The following ZEB2 variants were observed in gnomAD, a reference collection of about 807,000 sequenced individuals.
ZEB2 encodes zinc finger E-box binding homeobox 2.
A neutral mutation model predicts 99.9 loss-of-function variants in ZEB2; 6 were observed. That is an observed-to-expected ratio of 0.06 (90% confidence interval 0.03 to 0.12). The LOEUF is 0.12. Ranked by LOEUF, ZEB2 falls within the 10% of genes least tolerant of loss-of-function variation. The pLI is 1.00. For synonymous variants in ZEB2, 517 were observed against 542.5 expected, an observed-to-expected ratio of 0.95 and a Z score of 0.65; for missense variants, 969 against 1,502.8, an observed-to-expected ratio of 0.64 and a Z score of 5.87.
At chr2:144,500,554 G>A (rs1293375351) in intron 2 of ZEB2, among the ~76,000 whole-genome samples, 1 of 152,154 alleles carries the variant, frequency 6.6e-6, no homozygotes, top group Non-Finnish European at 1.5e-5. Context: ...AGATGCACAG[G>A]CTTTGCAGCA....
At chr2:144,416,679 A>T (rs1169878484) in intron 4 of ZEB2, among the ~76,000 whole-genome samples, 4 of 151,912 alleles carry the variant, frequency 2.6e-5, no homozygotes, top group African/African-American at 9.7e-5. Context: ...TTCTCTTACA[A>T]CTCGTTTGAT....
At chr2:144,512,525 A>T in intron 2 of ZEB2, 24 of 1,287,242 alleles carry the variant, frequency 1.9e-5, no homozygotes, top group Non-Finnish European at 2.4e-5. Context: ...CCTATGACAT[A>T]GCAGTTGAGC....
intron 2 of ZEB2, among the ~76,000 whole-genome samples, chr2:144,498,749 T>A (rs1704826335): frequency 1.3e-5 from 2 of 152,062 alleles, no homozygotes; most frequent in African/African-American, 2.4e-5. Context: ...CTAAAAATGA[T>A]CAGGAAGGGT....
chr2:144,399,661 G>A lies in ZEB2; in HGVS notation c.1526C>T (p.Pro509Leu), dbSNP rs1051563603. 2.4e-5 allele frequency: 38 copies of A among 1,614,124 alleles called. No individual in the cohort carries two copies. The highest frequency in any genetic ancestry group is 6.7e-5 in the African/African-American group (5 of 75,004). ...EEQGVTSPNI[P>L]PVGLPVVSHN... is the part of the protein sequence containing the mutation. ...ACTCACTACCGGAAGACCGACAGGC[G>A]GAATATTAGGAGAAGTAACTCCTTG... is the stretch of plus-strand genomic sequence containing the variant. Residue 509 changes from proline to leucine, a missense_variant, in exon 8 of 10, where the codon CCG becomes CTG. Around this residue, in one of 8 missense-constraint regions of ZEB2, gnomAD observed 227 missense variants for 278.2 expected, o/e 0.82. Transcript: ENST00000627532. The surrounding 1 kb of genome is among the most constrained non-coding windows in gnomAD (Gnocchi z 5.6).
rs1255995172 is a variant in ZEB2, at chr2:144,519,737, T to C, written c.-70+202A>G. 3.2e-5 allele frequency: 11 copies of C among 341,408 alleles called. No homozygotes were observed. In the Admixed American group the frequency reaches 4.6e-4, roughly 14 times the overall value. 21.1% of individuals were successfully genotyped at this position (341,408 alleles called of 1,614,324 possible). On this transcript the variant is annotated intron_variant, in intron 1 of 9. Transcript: ENST00000627532. The stretch of plus-strand genomic sequence containing the variant: ...GAAAAGCAAGGAGAGAGAGTGTGAG[T>C]GTAAGAGAAAGCGAAGAAGCCACTC...
At chr2:144,433,777 A>G (rs181172457) in intron 2 of ZEB2, among the ~76,000 whole-genome samples, 1 of 152,312 alleles carries the variant, frequency 6.6e-6, no homozygotes, top group African/African-American at 2.4e-5. Context: ...CATATGCAAA[A>G]CAAATAATGG....
intron 2 of ZEB2, among the ~76,000 whole-genome samples, chr2:144,431,367 G>C (rs1164359074): frequency 1.3e-5 from 2 of 152,020 alleles, no homozygotes; most frequent in Non-Finnish European, 2.9e-5. Context: ...AGGTTCCCAG[G>C]GAGTAAAAAA....
At chr2:144,425,643 G>T (rs1703682453) in intron 3 of ZEB2, among the ~76,000 whole-genome samples, 1 of 152,028 alleles carries the variant, frequency 6.6e-6, no homozygotes, top group South Asian at 2.1e-4. Flanking sequence ...GTCAAAAACT[G>T]CAATATTTTA....
chr2:144,499,074 T>C (rs1337702211), intron 2 of ZEB2, among the ~76,000 whole-genome samples: 6 of 152,238 alleles, frequency 3.9e-5, no homozygotes, highest in African/African-American at 1.2e-4. Context: ...ATATTTTACA[T>C]GAGAGAATTT....
In ZEB2 at chr2:144,426,095, T is replaced by C. The variant is rs138685299; in HGVS notation, c.332-1228A>G. ...GGTAAAATACACAGATATACCTGGATGCTAATTTAATCTCACTCCTCATAA... is the reference window on the plus strand; with the variant it reads ...GGTAAAATACACAGATATACCTGGACGCTAATTTAATCTCACTCCTCATAA... On this transcript the variant is annotated intron_variant, in intron 3 of 9. Transcript: ENST00000627532. Among the ~76,000 whole-genome samples, 1,083 of 152,298 alleles carry C rather than the reference T, an allele frequency of 7.1e-3. 17 individuals carry two copies. The highest frequency in any genetic ancestry group is 0.025 in the African/African-American group (1,039 of 41,574).
intron 3 of ZEB2, among the ~76,000 whole-genome samples, chr2:144,425,359 A>G (rs1179751018): frequency 6.6e-6 from 1 of 152,172 alleles, no homozygotes; most frequent in East Asian, 1.9e-4. Context: ...ACCTAATTCT[A>G]CATATCAAAA....
chr2:144,437,921 T>G (rs924070043), intron 2 of ZEB2, among the ~76,000 whole-genome samples: 1 of 152,210 alleles, frequency 6.6e-6, no homozygotes, highest in East Asian at 1.9e-4. Context: ...TTTTCTCTGA[T>G]TGTTTTAGTT....
chr2:144,445,109 A>G (rs1560627182), intron 2 of ZEB2: 1 of 152,212 alleles, frequency 6.6e-6, no homozygotes, highest in Non-Finnish European at 1.5e-5. Flanking sequence ...ATATTTTGCA[A>G]TTAAAACATT....
chr2:144,466,528 T>A (rs922109538), intron 2 of ZEB2, among the ~76,000 whole-genome samples: 9 of 152,126 alleles, frequency 5.9e-5, no homozygotes, highest in African/African-American at 1.7e-4. Context: ...CATAAAAAAA[T>A]GTCAAACAAT....
intron 2 of ZEB2, among the ~76,000 whole-genome samples, chr2:144,454,393 A>G (rs1232874506): frequency 6.6e-6 from 1 of 152,244 alleles, no homozygotes; most frequent in Non-Finnish European, 1.5e-5. Flanking sequence ...TGTAGTCACT[A>G]TTAAGATTCC....
rs1344071991 is a variant in ZEB2, at chr2:144,386,551, A to G, written c.*2900T>C. On this transcript the variant is annotated 3_prime_UTR_variant, in exon 10 of 10. Transcript: ENST00000627532. ...AGGAGGGGCAAGGCAGGGTCTGCCC[A>G]CCCTCCTCTACTTCGTGCACACTTT... The G allele has an allele frequency of 6.6e-6, 1 of 152,156 alleles. No individual in the cohort carries two copies. The highest frequency in any genetic ancestry group is 1.5e-5 in the Non-Finnish European group (1 of 68,018). The allele number at this position is 152,156 out of a possible 1,614,324, so 9.4% of individuals were successfully genotyped here.
chr2:144,514,024 G>A (rs1705090000), intron 2 of ZEB2: 1 of 818,176 alleles, frequency 1.2e-6, no homozygotes, highest in African/African-American at 1.7e-5. Flanking sequence ...TTATTTTCTG[G>A]GAAGAGATTT....
intron 5 of ZEB2, 87 bp from the exon 6 acceptor site, chr2:144,404,217 A>G (rs1270850766): frequency 3.5e-6 from 5 of 1,439,330 alleles, no homozygotes; most frequent in East Asian, 4.7e-5. Flanking sequence ...CCGGGATGGT[A>G]TGACAGGAAT....
At chr2:144,489,717 C>T (rs1283130442) in intron 2 of ZEB2, among the ~76,000 whole-genome samples, 2 of 152,166 alleles carry the variant, frequency 1.3e-5, no homozygotes, top group African/African-American at 4.8e-5. Context: ...CATTTGGGTG[C>T]GCAGCAGCGA....
Sources: allele counts gnomAD v4.1 joint callset (sites outside exome capture counted in the v4.1 genomes callset), GRCh38; gene constraint gnomAD v4.1.1; regional missense constraint gnomAD v4.1.1; non-coding constraint Gnocchi (gnomAD v3.1); transcripts MANE v1.5; gene names NCBI Gene and HGNC (gene_info 2026-07-23, HGNC 2026-07-21).